AUTS2: variants seen among roughly 807,000 people sequenced by gnomAD.
AUTS2 encodes autism susceptibility gene 2 protein.
Under a neutral mutation model 112.4 loss-of-function variants are expected in AUTS2, and 17 were observed. That is an observed-to-expected ratio of 0.15 (90% CI 0.10 to 0.23). AUTS2 has a LOEUF of 0.23. Among genes scored for constraint, AUTS2 ranks in the 10% least tolerant of loss-of-function variants. The pLI is 1.00. For missense variants in AUTS2, 1,510 were observed against 1,701.6 expected (o/e 0.89, Z 1.98); for synonymous variants, 751 against 702.7 (o/e 1.07, Z -1.09).
At chr7:70,272,689 G>A (rs1787751054) in intron 4 of AUTS2, among the ~76,000 whole-genome samples, 4 of 151,842 alleles carry the variant, frequency 2.6e-5, no homozygotes, top group East Asian at 3.9e-4. Flanking sequence ...AACAGATTTC[G>A]GCTCTCATAC....
At chr7:70,395,768 T>A (rs1794053078) in intron 4 of AUTS2, among the ~76,000 whole-genome samples, 3 of 151,918 alleles carry the variant, frequency 2.0e-5, no homozygotes, top group South Asian at 4.2e-4. Flanking sequence ...GTCAGAAGAG[T>A]TGGGAATGTG....
chr7:70,671,115 C>T (rs1251688268), intron 5 of AUTS2, among the ~76,000 whole-genome samples: 1 of 152,100 alleles, frequency 6.6e-6, no homozygotes, highest in African/African-American at 2.4e-5. Context: ...GATGGGGACA[C>T]GGAGGTAGCA....
At chr7:69,696,705 T>C (rs1797578233) in intron 1 of AUTS2, among the ~76,000 whole-genome samples, 1 of 152,226 alleles carries the variant, frequency 6.6e-6, no homozygotes. Context: ...GAACCTGACC[T>C]TCTTGTCACT....
chr7:69,741,464 G>A (rs1289919134), intron 1 of AUTS2, among the ~76,000 whole-genome samples: 2 of 152,092 alleles, frequency 1.3e-5, no homozygotes, highest in Non-Finnish European at 2.9e-5. Context: ...CAGTACTTTG[G>A]GAGGCCAAGT....
intron 4 of AUTS2, among the ~76,000 whole-genome samples, chr7:70,140,760 A>G (rs1389277370): frequency 6.6e-6 from 1 of 152,244 alleles, no homozygotes; most frequent in Non-Finnish European, 1.5e-5. Context: ...TATAATGGAA[A>G]TATTTTTGAA....
At chr7:70,458,747 A>G (rs1447180395) in intron 5 of AUTS2, among the ~76,000 whole-genome samples, 2 of 152,178 alleles carry the variant, frequency 1.3e-5, no homozygotes, top group Non-Finnish European at 2.9e-5. Context: ...CCAAACACGG[A>G]AAAGCCATTT....
intron 6 of AUTS2, among the ~76,000 whole-genome samples, chr7:70,739,651 C>T (rs1787986791): frequency 1.3e-5 from 2 of 151,872 alleles, no homozygotes; most frequent in African/African-American, 4.8e-5. Flanking sequence ...TTTGGAGGAC[C>T]ATCTTAAAGG....
intron 8 of AUTS2, 122 bp from the exon 9 acceptor site, chr7:70,765,992 C>T (rs960851874): frequency 2.2e-5 from 33 of 1,468,506 alleles, no homozygotes; most frequent in Non-Finnish European, 2.9e-5. Flanking sequence ...TATCTCAGGG[C>T]CCAGCCACAC....
At chr7:70,335,785 G>T (rs2129619952) in intron 4 of AUTS2, among the ~76,000 whole-genome samples, 1 of 152,318 alleles carries the variant, frequency 6.6e-6, no homozygotes, top group East Asian at 1.9e-4. Flanking sequence ...CATGGAAAAT[G>T]CATACATCCA....
intron 6 of AUTS2, among the ~76,000 whole-genome samples, chr7:70,711,396 A>G (rs528617199): frequency 5.3e-5 from 8 of 152,314 alleles, no homozygotes; most frequent in Non-Finnish European, 1.0e-4. Flanking sequence ...CTAGCACCTA[A>G]CTGACAAAAT....
Position 70,127,131 on chromosome 7 carries a change from C to T in AUTS2, c.625-7405C>T, listed in dbSNP as rs113897691. 1.7e-3 allele frequency among the ~76,000 whole-genome samples: 251 copies of T among 151,832 alleles called. 6 individuals carry two copies. The highest frequency in any genetic ancestry group is 5.7e-3 in the African/African-American group (235 of 41,424). On this transcript the variant is annotated intron_variant, in intron 3 of 18. Coordinates refer to ENST00000342771, the MANE Select transcript of AUTS2 (RefSeq NM_015570.4). The stretch of plus-strand genomic sequence containing the variant: ...ATAAGACACTGCGCCTGGCCTTGTT[C>T]GCACTTTCAAATCTTCCTACCTTTG...
chr7:70,410,908 G>C lies in AUTS2; in HGVS notation c.661-24844G>C, dbSNP rs1044478995. On this transcript the variant is annotated intron_variant, in intron 4 of 18. Transcript: ENST00000342771. Reference sequence around the variant, plus strand: ...GATGGAGTTTCACTCTTGTCACCCAGGCTGGAGTGCAGTGGTGCGATCTTG... The same window carrying C: ...GATGGAGTTTCACTCTTGTCACCCACGCTGGAGTGCAGTGGTGCGATCTTG... Among the ~76,000 whole-genome samples the C allele has an allele frequency of 2.8e-4, 42 of 151,458 alleles. 1 individual carries two copies. The highest frequency in any genetic ancestry group is 9.7e-4 in the African/African-American group (40 of 41,256).
At chr7:70,440,622 T>C (rs1476748041) in intron 5 of AUTS2, among the ~76,000 whole-genome samples, 2 of 152,184 alleles carry the variant, frequency 1.3e-5, no homozygotes, top group East Asian at 3.9e-4. Context: ...TCAGCCTTTA[T>C]CCCAAGGGCC....
chr7:70,772,071 C>T lies in AUTS2; in HGVS notation c.1830+427C>T, dbSNP rs116675335. ...TTAGTAGAAGTGGGGATAAAGGTTCCACAACTAAAATTGTATCCTATGAAT... is the reference window on the plus strand; with the variant it reads ...TTAGTAGAAGTGGGGATAAAGGTTCTACAACTAAAATTGTATCCTATGAAT... On this transcript the variant is annotated intron_variant, in intron 11 of 18. Transcript: ENST00000342771. Among the ~76,000 whole-genome samples, 744 of 152,270 alleles carry T rather than the reference C, an allele frequency of 4.9e-3. 4 individuals are homozygous for T. The highest frequency in any genetic ancestry group is 0.016 in the African/African-American group (683 of 41,554).
At chr7:70,334,765 G>T (rs1240573580) in intron 4 of AUTS2, among the ~76,000 whole-genome samples, 1 of 152,130 alleles carries the variant, frequency 6.6e-6, no homozygotes, top group Non-Finnish European at 1.5e-5. Flanking sequence ...AAAAAATGGA[G>T]TTTTTTGGTA....
chr7:70,584,430 T>G (rs1802592559), intron 5 of AUTS2, among the ~76,000 whole-genome samples: 1 of 152,270 alleles, frequency 6.6e-6, no homozygotes, highest in African/African-American at 2.4e-5. Context: ...TAGGGTTTCA[T>G]TCACGCTGTG....
intron 1 of AUTS2, among the ~76,000 whole-genome samples, chr7:69,681,330 G>T (rs748338411): frequency 6.6e-6 from 1 of 152,150 alleles, no homozygotes; most frequent in African/African-American, 2.4e-5. Context: ...AGGAACCTCT[G>T]TACTGCTTTC....
At chr7:70,183,202 A>G (rs1048442942) in intron 4 of AUTS2, among the ~76,000 whole-genome samples, 7 of 151,398 alleles carry the variant, frequency 4.6e-5, no homozygotes, top group Admixed American at 1.3e-4. Context: ...TTCAGATGAG[A>G]AAAAAAAATC....
intron 1 of AUTS2, among the ~76,000 whole-genome samples, chr7:69,625,651 G>C (rs1793909106): frequency 6.6e-6 from 1 of 152,128 alleles, no homozygotes; most frequent in African/African-American, 2.4e-5. Flanking sequence ...TTGAGTCCAG[G>C]GGTTTGAGAC....
Sources: gnomAD v4.1 joint callset for allele counts (sites outside exome capture counted in the v4.1 genomes callset) on GRCh38, gnomAD v4.1.1 for gene constraint, MANE v1.5 for transcripts, NCBI Gene and HGNC (gene_info 2026-07-23, HGNC 2026-07-21) for gene names.